The following CDK5RAP2 variants were observed in gnomAD, a reference collection of about 807,000 sequenced individuals.
The protein encoded by CDK5RAP2 is CDK5 regulatory subunit associated protein 2, also known as CDK5 regulatory subunit-associated protein 2.
CDK5RAP2 carries 147 observed loss-of-function variants against 232.9 expected under a neutral mutation model. That is an observed-to-expected ratio of 0.63 (90% CI 0.55 to 0.72). CDK5RAP2 has a LOEUF of 0.72. CDK5RAP2 is among the 30% of genes least tolerant of loss of function. CDK5RAP2 has a pLI of 0.00. For missense variants in CDK5RAP2, 2,195 were observed against 2,231.5 expected (o/e 0.98, Z 0.33); for synonymous variants, 833 against 833.7 (o/e 1.00, Z 0.01).
At chr9:120,470,261 GA>G in intron 16 of CDK5RAP2, 41 bp from the exon 17 acceptor site, 1 of 953,932 alleles carries the variant, frequency 1.0e-6, no homozygotes, top group Non-Finnish European at 1.6e-6. Context: ...AGGGGGAGGA[GA>G]AAAAGAATAT....
intron 23 of CDK5RAP2, among the ~76,000 whole-genome samples, chr9:120,442,653 C>T (rs948909219): frequency 3.3e-5 from 5 of 152,178 alleles, no homozygotes; most frequent in African/African-American, 7.2e-5. Context: ...TCCCCAAGAC[C>T]ATTTATGAAT....
At chr9:120,534,244 A>T (rs962326397) in intron 7 of CDK5RAP2, among the ~76,000 whole-genome samples, 2 of 152,024 alleles carry the variant, frequency 1.3e-5, no homozygotes, top group South Asian at 4.1e-4. Flanking sequence ...AGGCCAGGCT[A>T]TGCACCCTCC....
At chr9:120,534,100 G>GCCCC (rs2041283456) in intron 7 of CDK5RAP2, among the ~76,000 whole-genome samples, 2 of 152,124 alleles carry the variant, frequency 1.3e-5, no homozygotes, top group African/African-American at 4.8e-5. Flanking sequence ...ATTCCCTGAA[G>GCCCC]CCCCACCTTT....
At chr9:120,573,565 T>A (rs536676018) in intron 1 of CDK5RAP2, among the ~76,000 whole-genome samples, 224 of 145,996 alleles carry the variant, frequency 1.5e-3, no homozygotes, top group African/African-American at 2.3e-3. Context: ...AAAAAAAATT[T>A]AAAAAAAAAA....
At chr9:120,470,893 G>C (rs1207144570) in intron 16 of CDK5RAP2, among the ~76,000 whole-genome samples, 2 of 152,126 alleles carry the variant, frequency 1.3e-5, no homozygotes, top group Non-Finnish European at 2.9e-5. Context: ...TGTAAGAGCT[G>C]ATACATCTAA....
chr9:120,513,467 A>G (rs1360707635), intron 12 of CDK5RAP2, among the ~76,000 whole-genome samples: 1 of 152,108 alleles, frequency 6.6e-6, no homozygotes, highest in Non-Finnish European at 1.5e-5. Flanking sequence ...CCCTAGAGGA[A>G]CCACCCTTTA....
Position 120,477,465 on chromosome 9 carries a change from G to A in CDK5RAP2, c.1627-15C>T, listed in dbSNP as rs1588440973. ...TGTTTCTTTTCCTGGAAATGACAAT[G>A]GGCATTTGACATTAAGGAAAGAATT... On this transcript the variant is annotated splice_polypyrimidine_tract_variant and intron_variant, in intron 14 of 37. Transcript: ENST00000349780. 6.4e-7 allele frequency: 1 copy of A among 1,565,050 alleles called. No homozygotes were observed. Among genetic ancestry groups the A allele is most frequent in the Non-Finnish European group, 8.8e-7 (1 of 1,136,102 alleles).
In CDK5RAP2 at chr9:120,392,977, C is replaced by G. The variant is rs563795112; in HGVS notation, c.5578+1535G>C. On this transcript the variant is annotated intron_variant, in intron 36 of 37. Coordinates refer to ENST00000349780, the MANE Select transcript of CDK5RAP2 (RefSeq NM_018249.6). The stretch of plus-strand genomic sequence containing the variant: ...TCCTGGAGTCCTGTCCACAAGGCTC[C>G]TTGCAACCTGGTTCCTGCTTCTCCC... Among the ~76,000 whole-genome samples the G allele has an allele frequency of 4.6e-5, 7 of 152,286 alleles. No individual in the cohort carries two copies. In the South Asian group the frequency reaches 1.0e-3, roughly 23 times the overall value.
intron 1 of CDK5RAP2, among the ~76,000 whole-genome samples, chr9:120,579,145 G>A (rs1471834144): frequency 6.6e-6 from 1 of 152,168 alleles, no homozygotes; most frequent in Non-Finnish European, 1.5e-5. Context: ...TCTTGGGGCA[G>A]GTCCATGGGA....
intron 34 of CDK5RAP2, 85 bp downstream of exon 34, chr9:120,402,721 A>G: frequency 6.7e-7 from 1 of 1,500,852 alleles, no homozygotes; most frequent in Non-Finnish European, 9.2e-7. Flanking sequence ...CCTAATGAGG[A>G]CAACTGCGCC....
At chr9:120,576,851 G>A (rs959117368) in intron 1 of CDK5RAP2, among the ~76,000 whole-genome samples, 1 of 152,128 alleles carries the variant, frequency 6.6e-6, no homozygotes, top group Admixed American at 6.5e-5. Flanking sequence ...AGAAGCAGGA[G>A]GATCACTTGA....
chr9:120,484,089 C>T (rs2038464277), intron 14 of CDK5RAP2, among the ~76,000 whole-genome samples: 2 of 152,328 alleles, frequency 1.3e-5, no homozygotes, highest in South Asian at 4.1e-4. Context: ...ATTCCCTAGT[C>T]ATCTAGCATT....
At position 120,492,830 on chromosome 9, in the gene CDK5RAP2, T is replaced by C. The variant is rs745407337; in HGVS notation, c.1312-1353A>G. Reference sequence around the variant, plus strand: ...ATTATTGTCATAAAACCCAAAACTTTAAGTAGAAAAGAAATACAAACATAG... The same window carrying C: ...ATTATTGTCATAAAACCCAAAACTTCAAGTAGAAAAGAAATACAAACATAG... On this transcript the variant is annotated intron_variant, in intron 12 of 37. Transcript: ENST00000349780. Among the ~76,000 whole-genome samples, 5 of 152,312 alleles carry C rather than the reference T, an allele frequency of 3.3e-5. No individual in the cohort carries two copies. In the Middle Eastern group the frequency reaches 0.014, roughly 414 times the overall value.
intron 15 of CDK5RAP2, 119 bp from the exon 16 acceptor site, chr9:120,471,997 T>G: frequency 2.3e-6 from 3 of 1,295,042 alleles, no homozygotes; most frequent in Admixed American, 3.5e-5. Flanking sequence ...GTTATAAAAG[T>G]ATATACAGGT....
intron 1 of CDK5RAP2, among the ~76,000 whole-genome samples, chr9:120,577,227 T>C (rs945535742): frequency 2.0e-5 from 3 of 152,038 alleles, no homozygotes; most frequent in African/African-American, 7.2e-5. Context: ...CCAGGCGTAG[T>C]GGGGCATGCC....
At chr9:120,550,579 A>G (rs1029008032) in intron 4 of CDK5RAP2, among the ~76,000 whole-genome samples, 1 of 152,230 alleles carries the variant, frequency 6.6e-6, no homozygotes, top group Non-Finnish European at 1.5e-5. Flanking sequence ...CTGATTTTTA[A>G]AAGACAGTGA....
chr9:120,518,421 A>T lies in CDK5RAP2; in HGVS notation c.1311+6T>A, dbSNP rs745411399. 8 of 1,611,422 alleles carry T rather than the reference A, an allele frequency of 5.0e-6. No homozygotes were observed. The African/African-American group carries it at 9.4e-5, about 19-fold the overall frequency. ...CACTGTGTCAGAAGGGCAGGGCGGT[A>T]CTCACACGGATGGTGCAGTCTCCTT... On this transcript the variant is annotated splice_donor_region_variant and intron_variant, in intron 12 of 37. Transcript: ENST00000349780.
intron 26 of CDK5RAP2, among the ~76,000 whole-genome samples, chr9:120,420,728 A>G (rs2034516529): frequency 6.6e-6 from 1 of 152,192 alleles, no homozygotes; most frequent in Non-Finnish European, 1.5e-5. Flanking sequence ...ATGAGCTCAG[A>G]CAACAGCAAA....
intron 18 of CDK5RAP2, among the ~76,000 whole-genome samples, chr9:120,464,339 C>T (rs2037255784): frequency 6.6e-6 from 1 of 152,188 alleles, no homozygotes; most frequent in African/African-American, 2.4e-5. Context: ...TCACAGCCCT[C>T]ACCACACTCT....
Sources: gnomAD v4.1 joint callset for allele counts (sites outside exome capture counted in the v4.1 genomes callset) on GRCh38, gnomAD v4.1.1 for gene constraint, MANE v1.5 for transcripts, NCBI Gene and HGNC (gene_info 2026-07-23, HGNC 2026-07-21) for gene names.